The following CNTN5 variants were observed in gnomAD, a reference collection of about 807,000 sequenced individuals.
CNTN5 encodes contactin-5.
In CNTN5, 77 loss-of-function variants were observed where a neutral mutation model predicts 129.1. The observed-to-expected ratio is 0.60, with a 90% CI of 0.50 to 0.72. The LOEUF (loss-of-function observed/expected upper bound fraction) is 0.72. CNTN5 is among the 30% of genes least tolerant of loss of function. The probability of loss-of-function intolerance (pLI) is 0.00; values close to 1 mark genes in which losing one functional copy is unlikely to be tolerated. For synonymous variants in CNTN5, 509 were observed against 465.6 expected (o/e 1.09, Z -1.20); for missense variants, 1,478 against 1,328.8 (o/e 1.11, Z -1.75).
At chr11:99,910,260 A>G (rs1222262535) in intron 6 of CNTN5, among the ~76,000 whole-genome samples, 4 of 152,066 alleles carry the variant, frequency 2.6e-5, no homozygotes, top group Non-Finnish European at 4.4e-5. Flanking sequence ...ACATTTGCCA[A>G]TAAAATACCA....
chr11:99,894,515 C>A (rs1396027437), intron 6 of CNTN5, among the ~76,000 whole-genome samples: 88 of 107,398 alleles, frequency 8.2e-4, no homozygotes, highest in African/African-American at 2.1e-3. Flanking sequence ...GTACCAGCAG[C>A]AAAAAAAAAA....
chr11:99,453,845 T>A (rs796457931), intron 2 of CNTN5, among the ~76,000 whole-genome samples: 1 of 152,210 alleles, frequency 6.6e-6, no homozygotes, highest in Non-Finnish European at 1.5e-5. Context: ...ATTATTTGAA[T>A]AGGTCTTGCA....
chr11:100,279,074 TC>T (rs1306904356), intron 18 of CNTN5, among the ~76,000 whole-genome samples: 1 of 152,056 alleles, frequency 6.6e-6, no homozygotes, highest in Non-Finnish European at 1.5e-5. Context: ...AGGTGTTTTG[TC>T]CTTCATTCTG....
intron 3 of CNTN5, among the ~76,000 whole-genome samples, chr11:99,649,015 AAG>A (rs750732195): frequency 4.0e-5 from 6 of 151,744 alleles, no homozygotes; most frequent in Admixed American, 2.0e-4. Flanking sequence ...AACTATAGTC[AAG>A]AAAATACCAA....
At chr11:100,000,559 G>A (rs961747562) in intron 8 of CNTN5, among the ~76,000 whole-genome samples, 12 of 152,178 alleles carry the variant, frequency 7.9e-5, no homozygotes, top group Non-Finnish European at 1.8e-4. Flanking sequence ...TGGGTGCTCA[G>A]TGCAAGCTGT....
intron 16 of CNTN5, among the ~76,000 whole-genome samples, chr11:100,239,432 A>C (rs1311383445): frequency 6.6e-6 from 1 of 152,206 alleles, no homozygotes; most frequent in African/African-American, 2.4e-5. Flanking sequence ...TCAGGTTTAT[A>C]TCACATAAAA....
intron 4 of CNTN5, among the ~76,000 whole-genome samples, chr11:99,827,683 C>G (rs1145407): frequency 0.51 from 77,600 of 151,954 alleles, 20,603 homozygotes; most frequent in Non-Finnish European, 0.59. Flanking sequence ...AGCTTTGTTT[C>G]CAATATTTTA....
At chr11:99,286,895 C>T (rs1172991416) in intron 1 of CNTN5, among the ~76,000 whole-genome samples, 1 of 152,130 alleles carries the variant, frequency 6.6e-6, no homozygotes, top group Non-Finnish European at 1.5e-5. Flanking sequence ...TAAAAACTTG[C>T]AAATCCTAAC....
chr11:99,608,106 A>C, intron 3 of CNTN5, among the ~76,000 whole-genome samples: 1 of 150,604 alleles, frequency 6.6e-6, no homozygotes, highest in East Asian at 1.9e-4. Flanking sequence ...ATAATAAAAA[A>C]AAAAAAAAAT....
In CNTN5 at chr11:100,004,852, C is replaced by T. The variant is rs143924946; in HGVS notation, c.980+2716C>T. Among the ~76,000 whole-genome samples the T allele has an allele frequency of 1.1e-3, 172 of 152,278 alleles. No individual in the cohort carries two copies. In the South Asian group the frequency reaches 0.012, roughly 10 times the overall value. ...ACACAGCCTTTATATAAGAACACAG[C>T]TGAAGAAAGGATTAGGAAATTTATA... On this transcript the variant is annotated intron_variant, in intron 9 of 24. Coordinates refer to ENST00000524871, the MANE Select transcript of CNTN5 (RefSeq NM_014361.4).
intron 2 of CNTN5, among the ~76,000 whole-genome samples, chr11:99,519,657 T>A (rs118167777): frequency 6.6e-6 from 1 of 152,244 alleles, no homozygotes; most frequent in East Asian, 1.9e-4. Flanking sequence ...TATTAATAGA[T>A]AATGCTCAGT....
intron 2 of CNTN5, among the ~76,000 whole-genome samples, chr11:99,338,969 T>TATATATATC (rs1866382644): frequency 1.2e-5 from 1 of 86,422 alleles, no homozygotes; most frequent in Non-Finnish European, 2.7e-5. Flanking sequence ...ATGTGTGTGT[T>TATATATATC]TGTGTGTGTG....
At chr11:99,471,910 T>C (rs1565210669) in intron 2 of CNTN5, among the ~76,000 whole-genome samples, 1 of 152,154 alleles carries the variant, frequency 6.6e-6, no homozygotes, top group Admixed American at 6.6e-5. Flanking sequence ...GCCTAAGACA[T>C]AGTAAACACT....
intron 13 of CNTN5, among the ~76,000 whole-genome samples, chr11:100,108,751 A>G (rs117438508): frequency 0.023 from 3,560 of 151,966 alleles, 76 homozygotes; most frequent in African/African-American, 0.045. Flanking sequence ...TATATATGTA[A>G]ACTGACAGAG....
At chr11:100,348,044 TCTCA>T (rs1300789028) in intron 23 of CNTN5, among the ~76,000 whole-genome samples, 25 of 151,568 alleles carry the variant, frequency 1.6e-4, no homozygotes, top group Admixed American at 1.6e-3. Flanking sequence ...AACCCACTGC[TCTCA>T]GTTTTTTTTT....
At chr11:99,207,326 A>G (rs1032990984) in intron 1 of CNTN5, among the ~76,000 whole-genome samples, 6 of 152,164 alleles carry the variant, frequency 3.9e-5, no homozygotes, top group African/African-American at 1.4e-4. Flanking sequence ...GTACTGTGCT[A>G]ATCTGAAATC....
Position 99,062,768 on chromosome 11 carries a change from T to C in CNTN5, c.-210+41498T>C, listed in dbSNP as rs111673203. On this transcript the variant is annotated intron_variant, in intron 1 of 24. Transcript: ENST00000524871. Reference sequence around the variant, plus strand: ...ACCACACACTAGCTATTCTAAACAATGCCATTGATAAAATGCCAGGAAGAA... The same window carrying C: ...ACCACACACTAGCTATTCTAAACAACGCCATTGATAAAATGCCAGGAAGAA... Among the ~76,000 whole-genome samples, 53 of 152,212 alleles carry C rather than the reference T, an allele frequency of 3.5e-4. 1 individual carries two copies. The highest frequency in any genetic ancestry group is 1.2e-3 in the African/African-American group (50 of 41,554).
intron 16 of CNTN5, among the ~76,000 whole-genome samples, chr11:100,239,446 GAAAT>G (rs1356217955): frequency 2.0e-5 from 3 of 151,890 alleles, no homozygotes; most frequent in South Asian, 2.1e-4. Flanking sequence ...CATAAAATAA[GAAAT>G]AAATATTTAT....
chr11:99,136,861 T>A (rs1565346939), intron 1 of CNTN5, among the ~76,000 whole-genome samples: 1 of 152,194 alleles, frequency 6.6e-6, no homozygotes, highest in Admixed American at 6.5e-5. Flanking sequence ...ATGTAACATA[T>A]TAAATTTAAT....
Sources: gnomAD v4.1 joint callset for allele counts (sites outside exome capture counted in the v4.1 genomes callset) on GRCh38, gnomAD v4.1.1 for gene constraint, MANE v1.5 for transcripts, NCBI Gene and HGNC (gene_info 2026-07-23, HGNC 2026-07-21) for gene names.